Variants in PLBD2 observed in about 807,000 individuals in gnomAD.
PLBD2 encodes the protein phospholipase B domain containing 2.
Under a neutral mutation model 68.3 loss-of-function variants are expected in PLBD2, and 51 were observed. The observed-to-expected ratio is 0.75, with a 90% CI of 0.60 to 0.94. The LOEUF (loss-of-function observed/expected upper bound fraction) is 0.94, where lower values mean the gene tolerates loss of function less well. Ranked by LOEUF, PLBD2 falls within the 40% of genes least tolerant of loss-of-function variation. The probability of loss-of-function intolerance (pLI) is 0.00; values close to 1 mark genes in which losing one functional copy is unlikely to be tolerated. For missense variants in PLBD2, 729 were observed against 792.2 expected (o/e 0.92, Z 0.96); for synonymous variants, 314 against 339.3 (o/e 0.93, Z 0.82).
rs774828437 is a variant in PLBD2, at chr12:113,388,606, G to A, written c.1750G>A (p.Val584Ile). The A allele has an allele frequency of 6.3e-7, 1 of 1,593,370 alleles. No individual in the cohort carries two copies. The highest frequency in any genetic ancestry group is 1.8e-5 in the Admixed American group (1 of 56,302). ...GQPDLWKFAPVKVSWD is the reference protein window; with the variant it reads ...GQPDLWKFAPIKVSWD ...GCCAGACCTCTGGAAGTTCGCGCCT[G>A]TCAAGGTTTCATGGGACTGAAGTTC... The change falls in exon 12 of 12, where the codon GTC becomes ATC. Residue 584 changes from valine (V) to isoleucine (I), a missense_variant. Physicochemically the swap from Val to Ile is conservative, Grantham distance 29. Transcript: ENST00000280800.
At chr12:113,379,704 C>T (rs570388390) in intron 5 of PLBD2, among the ~76,000 whole-genome samples, 2 of 151,756 alleles carry the variant, frequency 1.3e-5, no homozygotes, top group Non-Finnish European at 2.9e-5. Context: ...CCCAGCTACT[C>T]GGGAGGCTGA....
At chr12:113,378,193 G>A (rs1957450864) in intron 5 of PLBD2, among the ~76,000 whole-genome samples, 1 of 152,060 alleles carries the variant, frequency 6.6e-6, no homozygotes, top group African/African-American at 2.4e-5. Context: ...TCGGGAGGCT[G>A]AGGCCCCAGA....
At chr12:113,365,263 C>T (rs1291225496) in intron 1 of PLBD2, among the ~76,000 whole-genome samples, 2 of 152,128 alleles carry the variant, frequency 1.3e-5, no homozygotes, top group East Asian at 3.9e-4. Flanking sequence ...ATGTGGGAGC[C>T]TCGGTTCCCC....
intron 1 of PLBD2, among the ~76,000 whole-genome samples, chr12:113,364,461 C>T (rs967265596): frequency 6.6e-6 from 1 of 151,194 alleles, no homozygotes; most frequent in African/African-American, 2.4e-5. Flanking sequence ...ACTCCTACCC[C>T]CTCAGATTCT....
At position 113,358,630 on chromosome 12, in the gene PLBD2, C is replaced by T. The variant is rs945758566; in HGVS notation, c.30C>T (p.Gly10=). ...TGGGCCAGATGTACTGCTACCCCGG[C>T]AGCCACCTGGCCCGGGCGCTGACGC... MVGQMYCYP[G]SHLARALTRA... The change falls in exon 1 of 12, where the codon GGC becomes GGT. Residue 10 remains glycine, a synonymous_variant. Coordinates refer to ENST00000280800, the MANE Select transcript of PLBD2 (RefSeq NM_173542.4). 5 of 1,467,754 alleles carry T rather than the reference C, an allele frequency of 3.4e-6. No homozygotes were observed. The highest frequency in any genetic ancestry group is 3.0e-5 in the African/African-American group (2 of 67,716). The allele number at this position is 1,467,754 out of a possible 1,614,324, so 90.9% of individuals were successfully genotyped here.
At chr12:113,385,107 C>T in intron 8 of PLBD2, 105 bp from the exon 9 acceptor site, 1 of 1,372,428 alleles carries the variant, frequency 7.3e-7, no homozygotes. Flanking sequence ...AGGACTTAAT[C>T]CATCCTCCAG....
intron 6 of PLBD2, among the ~76,000 whole-genome samples, chr12:113,382,835 T>TTGTGTGTGTG (rs1209547269): frequency 9.4e-6 from 1 of 106,536 alleles, no homozygotes; most frequent in African/African-American, 3.8e-5. Context: ...TGGTGGTTTT[T>TTGTGTGTGTG]TGTGTGTGTG....
intron 1 of PLBD2, among the ~76,000 whole-genome samples, chr12:113,368,538 A>G (rs1056832518): frequency 6.6e-6 from 1 of 152,066 alleles, no homozygotes; most frequent in African/African-American, 2.4e-5. Flanking sequence ...TGTCACTTCC[A>G]CCCATATCCC....
At chr12:113,386,912 G>A (rs1262626661) in intron 9 of PLBD2, 25 bp from the exon 10 acceptor site, 1 of 1,610,288 alleles carries the variant, frequency 6.2e-7, no homozygotes, top group African/African-American at 1.3e-5. Context: ...TGGGGGTCAT[G>A]GGTGACCATC....
chr12:113,372,346 A>C lies in PLBD2; in HGVS notation c.385-303A>C, dbSNP rs1489066003. 6.6e-6 allele frequency among the ~76,000 whole-genome samples: 1 copy of C among 152,168 alleles called. No individual in the cohort carries two copies. The highest frequency in any genetic ancestry group is 1.5e-5 in the Non-Finnish European group (1 of 68,010). On this transcript the variant is annotated intron_variant, in intron 2 of 11. Coordinates refer to ENST00000280800, the MANE Select transcript of PLBD2 (RefSeq NM_173542.4). This position sits in a 1 kb window ranked among gnomAD's most constrained non-coding sequence, Gnocchi z 4.2. ...AAGGAACATAATAGGTGCTCAAAAA[A>C]AAAACATTCATGGATTGACTAACTG...
intron 3 of PLBD2, among the ~76,000 whole-genome samples, chr12:113,373,428 G>C (rs1957407074): frequency 6.6e-6 from 1 of 152,206 alleles, no homozygotes; most frequent in Non-Finnish European, 1.5e-5. Context: ...TGTCTGCCTA[G>C]CCTAGGCCAG....
chr12:113,381,419 C>T (rs953466922), intron 6 of PLBD2, among the ~76,000 whole-genome samples: 3 of 152,086 alleles, frequency 2.0e-5, no homozygotes, highest in Non-Finnish European at 2.9e-5. Flanking sequence ...GCACCCCTCG[C>T]TGAGAAAGTG....
At chr12:113,386,693 A>G (rs1957556562) in intron 9 of PLBD2, among the ~76,000 whole-genome samples, 1 of 151,874 alleles carries the variant, frequency 6.6e-6, no homozygotes. Context: ...TAATTTTTGT[A>G]TTTTTAGTGG....
intron 1 of PLBD2, among the ~76,000 whole-genome samples, chr12:113,366,243 C>G (rs1957341185): frequency 6.6e-6 from 1 of 152,186 alleles, no homozygotes; most frequent in South Asian, 2.1e-4. Flanking sequence ...GTCTTGTACC[C>G]TCTTCAAGGT....
rs1399960753 is a variant in PLBD2 at position 113,358,777 on chromosome 12, C to T, written c.177C>T (p.Ser59=). The T allele has an allele frequency of 6.9e-7, 1 of 1,450,734 alleles. No individual in the cohort carries two copies. The highest frequency in any genetic ancestry group is 9.0e-7 in the Non-Finnish European group (1 of 1,106,950). The allele number at this position is 1,450,734 out of a possible 1,614,324, so 89.9% of individuals were successfully genotyped here. ...WARDGQVPPA[S]RSRSVLLDVS... ...GCGATGGGCAGGTCCCTCCAGCCTC[C>T]CGCAGCCGCTCGGTGCTCCTGGACG... Residue 59 remains serine (S), a synonymous_variant, in exon 1 of 12, where the codon TCC becomes TCT. Transcript: ENST00000280800.
At chr12:113,380,709 T>C in intron 5 of PLBD2, 36 bp from the exon 6 acceptor site, 1 of 1,528,676 alleles carries the variant, frequency 6.5e-7, no homozygotes, top group Non-Finnish European at 8.8e-7. Context: ...CCTGTGCCTG[T>C]CTGACCAGCA....
chr12:113,388,955 T>C lies in PLBD2; in HGVS notation c.*329T>C, dbSNP rs1033434722. ...TCCTCGTGCTTCTCCTTCCTGAGGGTTTGGGAAGGTCCTGGGGCAGACTCT... is the reference window on the plus strand; with the variant it reads ...TCCTCGTGCTTCTCCTTCCTGAGGGCTTGGGAAGGTCCTGGGGCAGACTCT... On this transcript the variant is annotated 3_prime_UTR_variant, in exon 12 of 12. Transcript: ENST00000280800. 5.0e-6 allele frequency: 1 copy of C among 199,784 alleles called. No homozygotes were observed. Among genetic ancestry groups the C allele is most frequent in the East Asian group, 1.2e-4 (1 of 8,250 alleles). 12.4% of individuals were successfully genotyped at this position (199,784 alleles called of 1,614,324 possible). A position where few individuals can be genotyped will look rare whatever the true frequency, so the allele number is the denominator to read the frequency against.
chr12:113,388,336 C>CAA (rs113090477), intron 11 of PLBD2, 123 bp from the exon 12 acceptor site: 1,642 of 807,106 alleles, frequency 2.0e-3, no homozygotes, highest in South Asian at 2.7e-3. Flanking sequence ...AGCAGAGACT[C>CAA]AAAAAAAAAA....
chr12:113,369,452 AG>A, intron 2 of PLBD2, among the ~76,000 whole-genome samples: 1 of 152,344 alleles, frequency 6.6e-6, no homozygotes, highest in African/African-American at 2.4e-5. Flanking sequence ...TAACAAGTAA[AG>A]CAAAATAGTA....
Sources: allele counts gnomAD v4.1 joint callset (sites outside exome capture counted in the v4.1 genomes callset), GRCh38; gene constraint gnomAD v4.1.1; non-coding constraint Gnocchi (gnomAD v3.1); transcripts MANE v1.5; gene names NCBI Gene and HGNC (gene_info 2026-07-23, HGNC 2026-07-21).